The following ARHGAP20 variants were observed in gnomAD, a reference collection of about 807,000 sequenced individuals.
ARHGAP20 encodes Rho GTPase activating protein 20.
ARHGAP20 carries 34 observed loss-of-function variants against 73.7 expected under a neutral mutation model. That is an observed-to-expected ratio of 0.46 (90% CI 0.35 to 0.61). The LOEUF is 0.61. Ranked by LOEUF, ARHGAP20 falls within the 20% of genes least tolerant of loss-of-function variation. The pLI is 0.00. For missense variants in ARHGAP20, 1,314 were observed against 1,420.9 expected (o/e 0.92, Z 1.21); for synonymous variants, 523 against 518.2 (o/e 1.01, Z -0.13).
chr11:110,591,685 C>T (rs1034092569), intron 10 of ARHGAP20, among the ~76,000 whole-genome samples: 20 of 152,162 alleles, frequency 1.3e-4, no homozygotes, highest in African/African-American at 3.9e-4. Context: ...AACAATGTGA[C>T]GTTCAAGAAA....
chr11:110,690,870 G>C lies in ARHGAP20; in HGVS notation c.106-241C>G, dbSNP rs45600731. 7.9e-3 allele frequency: 8,080 copies of C among 1,021,826 alleles called. 113 individuals are homozygous for C. The highest frequency in any genetic ancestry group is 0.047 in the African/African-American group (2,912 of 61,436). 63.3% of individuals were successfully genotyped at this position (1,021,826 alleles called of 1,614,324 possible). On this transcript the variant is annotated intron_variant, in intron 1 of 14. Coordinates refer to ENST00000683387, the MANE Select transcript of ARHGAP20 (RefSeq NM_001384657.1). ...GTATTTTTTGTGGTCAGAGAATAAA[G>C]AGGTTAAATGTTTACCAGAATATTT...
At chr11:110,677,345 G>T (rs1949952115) in intron 2 of ARHGAP20, among the ~76,000 whole-genome samples, 1 of 152,116 alleles carries the variant, frequency 6.6e-6, no homozygotes, top group Admixed American at 6.6e-5. Flanking sequence ...CATCATTAGA[G>T]AAACACAAAT....
chr11:110,624,055 C>T, intron 4 of ARHGAP20, 107 bp downstream of exon 4: 1 of 1,389,434 alleles, frequency 7.2e-7, no homozygotes, highest in Non-Finnish European at 9.7e-7. Context: ...AAATATTTCC[C>T]TCTTAAAAAT....
intron 2 of ARHGAP20, among the ~76,000 whole-genome samples, chr11:110,674,513 T>C (rs1949893426): frequency 1.3e-5 from 2 of 150,742 alleles, no homozygotes; most frequent in Middle Eastern, 3.5e-3. Flanking sequence ...CAGTCAAAAC[T>C]TTTCTTTATG....
At chr11:110,653,403 T>G (rs1949398657) in intron 2 of ARHGAP20, among the ~76,000 whole-genome samples, 1 of 151,976 alleles carries the variant, frequency 6.6e-6, no homozygotes. Flanking sequence ...CATTAAAAAG[T>G]GGGCAAAGGA....
chr11:110,698,565 G>A (rs1950382015), intron 1 of ARHGAP20, among the ~76,000 whole-genome samples: 1 of 151,584 alleles, frequency 6.6e-6, no homozygotes, highest in African/African-American at 2.4e-5. Context: ...GTTGTTCTTG[G>A]AAGATTTTTA....
upstream of ARHGAP20, chr11:110,712,571 C>G (rs1950694026): frequency 6.6e-6 from 1 of 152,632 alleles, no homozygotes; most frequent in Non-Finnish European, 1.5e-5. Context: ...CTAGCCTCGT[C>G]CCAGCCTGCG....
At position 110,577,384 on chromosome 11, in the gene ARHGAP20, A is replaced by AGAT. The variant is rs891530438; in HGVS notation, c.*1983_*1985dup. ...ATTACAGGAGTATCTAAGGGAACAC[A>AGAT]GATAGTAGGAATGGTTATTAAAAAA... On this transcript the variant is annotated 3_prime_UTR_variant, in exon 15 of 15. Coordinates refer to ENST00000683387, the MANE Select transcript of ARHGAP20 (RefSeq NM_001384657.1). 1.7e-6 allele frequency: 2 copies of AGAT among 1,187,486 alleles called. No individual in the cohort carries two copies. The highest frequency in any genetic ancestry group is 3.2e-5 in the African/African-American group (2 of 63,464). The allele number at this position is 1,187,486 out of a possible 1,614,324, so 73.6% of individuals were successfully genotyped here.
intron 11 of ARHGAP20, chr11:110,589,309 T>C (rs762117576): frequency 2.6e-6 from 2 of 778,420 alleles, no homozygotes; most frequent in African/African-American, 1.9e-5. Flanking sequence ...TCCAGTTCTC[T>C]TGCATGATAT....
chr11:110,595,045 C>T (rs1232909600), intron 9 of ARHGAP20, among the ~76,000 whole-genome samples: 6 of 151,526 alleles, frequency 4.0e-5, no homozygotes, highest in African/African-American at 7.3e-5. Context: ...ACAAAAACCA[C>T]ATGATTATCT....
At position 110,623,186 on chromosome 11, in the gene ARHGAP20, A is replaced by C. The variant is rs187696106; in HGVS notation, c.503+976T>G. On this transcript the variant is annotated intron_variant, in intron 4 of 14. Transcript: ENST00000683387. Reference sequence around the variant, plus strand: ...CATAATAGCATTTAATGACATGCCTATCTTTTAATAAAAGATTAACATCAT... The same window carrying C: ...CATAATAGCATTTAATGACATGCCTCTCTTTTAATAAAAGATTAACATCAT... Among the ~76,000 whole-genome samples the C allele has an allele frequency of 2.4e-3, 361 of 152,332 alleles. 2 individuals carry two copies. The highest frequency in any genetic ancestry group is 5.4e-3 in the Admixed American group (83 of 15,306).
intron 2 of ARHGAP20, among the ~76,000 whole-genome samples, chr11:110,659,028 A>C (rs960384612): frequency 4.6e-5 from 7 of 151,742 alleles, no homozygotes; most frequent in Admixed American, 3.3e-4. Flanking sequence ...ATACGTGTGC[A>C]TGTGTCTTTA....
chr11:110,583,971 G>A (rs1315111237), intron 12 of ARHGAP20, among the ~76,000 whole-genome samples: 3 of 151,918 alleles, frequency 2.0e-5, no homozygotes, highest in Non-Finnish European at 4.4e-5. Context: ...CAAAGAAAAT[G>A]TAAAAGAATG....
intron 1 of ARHGAP20, chr11:110,691,080 A>G: frequency 1.6e-6 from 2 of 1,217,492 alleles, no homozygotes; most frequent in Non-Finnish European, 2.2e-6. Flanking sequence ...AAAACAGTTA[A>G]AGCAAAAGCA....
intron 4 of ARHGAP20, among the ~76,000 whole-genome samples, chr11:110,623,485 T>C (rs966516151): frequency 2.0e-5 from 3 of 152,208 alleles, no homozygotes; most frequent in African/African-American, 7.2e-5. Context: ...CATAGGAGCA[T>C]GTCTTGGGAA....
intron 2 of ARHGAP20, among the ~76,000 whole-genome samples, chr11:110,665,793 G>A (rs1949711941): frequency 6.6e-6 from 1 of 152,128 alleles, no homozygotes; most frequent in African/African-American, 2.4e-5. Flanking sequence ...AAAGCAGGTA[G>A]GACAATACTC....
Position 110,624,271 on chromosome 11 carries a change from T to C in ARHGAP20, c.394A>G (p.Thr132Ala), listed in dbSNP as rs1251565246. 3 of 1,600,550 alleles carry C rather than the reference T, an allele frequency of 1.9e-6. No individual in the cohort carries two copies. The highest frequency in any genetic ancestry group is 2.6e-6 in the Non-Finnish European group (3 of 1,173,752). The change falls in exon 4 of 15, where the codon ACT becomes GCT. Residue 132 changes from threonine to alanine, a missense_variant. This residue lies in a region of ARHGAP20 where 443 missense variants were observed against 466.4 expected (regional missense o/e 0.95). Coordinates refer to ENST00000683387, the MANE Select transcript of ARHGAP20 (RefSeq NM_001384657.1). ...ACACAGCTTGCTGTCCACATATCAG[T>C]TAATTTAATTTTATTTTTTATCTTA... is the stretch of plus-strand genomic sequence containing the variant. ...NFKIKNKIKL[T>A]DMWTASCVDE...
At position 110,579,084 on chromosome 11, in the gene ARHGAP20, A is replaced by G. The variant is rs1245244259; in HGVS notation, c.*286T>C. The stretch of plus-strand genomic sequence containing the variant: ...TTCCCATAAGTGCTTCCTCTGCAGA[A>G]GATGCTTTCTCTAGCCCTCTGTTAG... On this transcript the variant is annotated 3_prime_UTR_variant, in exon 15 of 15. Coordinates refer to ENST00000683387, the MANE Select transcript of ARHGAP20 (RefSeq NM_001384657.1). 4.8e-6 allele frequency: 5 copies of G among 1,045,624 alleles called. No individual in the cohort carries two copies. Among genetic ancestry groups the G allele is most frequent in the Non-Finnish European group, 4.6e-6 (4 of 866,080 alleles). The allele number at this position is 1,045,624 out of a possible 1,614,324, so 64.8% of individuals were successfully genotyped here.
intron 3 of ARHGAP20, among the ~76,000 whole-genome samples, chr11:110,626,364 A>C (rs558433082): frequency 6.6e-6 from 1 of 152,338 alleles, no homozygotes; most frequent in African/African-American, 2.4e-5. Context: ...CCGATTTCCA[A>C]AACAAGCAAC....
Sources: allele counts gnomAD v4.1 joint callset (sites outside exome capture counted in the v4.1 genomes callset), GRCh38; gene constraint gnomAD v4.1.1; regional missense constraint gnomAD v4.1.1; transcripts MANE v1.5; gene names NCBI Gene and HGNC (gene_info 2026-07-23, HGNC 2026-07-21).